Variants in DLGAP1 observed in about 807,000 individuals in gnomAD.
DLGAP1 encodes the protein DLG associated protein 1, also known as disks large-associated protein 1.
DLGAP1 carries 11 observed loss-of-function variants against 90.8 expected under a neutral mutation model. The observed-to-expected ratio is 0.12, with a 90% CI of 0.08 to 0.20. The LOEUF is 0.20. Ranked by LOEUF, DLGAP1 falls within the 10% of genes least tolerant of loss-of-function variation. DLGAP1 has a pLI of 1.00. For missense variants in DLGAP1, 1,050 were observed against 1,333.8 expected (o/e 0.79, Z 3.31); for synonymous variants, 558 against 540.7 (o/e 1.03, Z -0.44).
intron 2 of DLGAP1, among the ~76,000 whole-genome samples, chr18:4,032,006 A>T (rs1409002610): frequency 6.6e-6 from 1 of 152,236 alleles, no homozygotes; most frequent in Non-Finnish European, 1.5e-5. Context: ...AAGCAAAATT[A>T]TCCCTTTTCT....
intron 1 of DLGAP1, among the ~76,000 whole-genome samples, chr18:4,191,788 G>A (rs1461350123): frequency 1.3e-5 from 2 of 152,084 alleles, no homozygotes; most frequent in Admixed American, 6.6e-5. Context: ...CTCAGGATGC[G>A]GTGCATCCTC....
Position 3,580,580 on chromosome 18 carries a change from G to A in DLGAP1, c.1965+1295C>T, listed in dbSNP as rs376494082. 138 of 1,587,798 alleles carry A rather than the reference G, an allele frequency of 8.7e-5. No individual in the cohort carries two copies. The African/African-American group carries it at 1.5e-3, about 17-fold the overall frequency. On this transcript the variant is annotated intron_variant, in intron 8 of 12. Transcript: ENST00000315677. ...GCCAGAGGAGGGCTCCGGGGAGGAG[G>A]TGCCCATGGAGACTAGAGAGAATGG...
chr18:3,837,126 A>G (rs911045988), intron 4 of DLGAP1, among the ~76,000 whole-genome samples: 17 of 152,260 alleles, frequency 1.1e-4, no homozygotes, highest in African/African-American at 3.9e-4. Flanking sequence ...AGCCTGCGAA[A>G]TAGGCTTTCA....
At chr18:3,810,401 T>C (rs1260832516) in intron 5 of DLGAP1, among the ~76,000 whole-genome samples, 4 of 152,172 alleles carry the variant, frequency 2.6e-5, no homozygotes, top group Non-Finnish European at 5.9e-5. Flanking sequence ...TGCCTTCTCT[T>C]CAACATTTCT....
chr18:3,939,623 T>C (rs1218955016), intron 3 of DLGAP1, among the ~76,000 whole-genome samples: 1 of 152,200 alleles, frequency 6.6e-6, no homozygotes, highest in Non-Finnish European at 1.5e-5. Flanking sequence ...CAGGGATACA[T>C]ATCTACATAT....
At chr18:4,372,161 T>A (rs2081930282) in intron 1 of DLGAP1, among the ~76,000 whole-genome samples, 1 of 152,220 alleles carries the variant, frequency 6.6e-6, no homozygotes, top group African/African-American at 2.4e-5. Flanking sequence ...ATGGTTTATG[T>A]CTTGAGAAAC....
intron 2 of DLGAP1, among the ~76,000 whole-genome samples, chr18:4,061,073 C>A (rs2075291692): frequency 6.6e-6 from 1 of 152,196 alleles, no homozygotes. Flanking sequence ...CAGACCTTAT[C>A]TTCACTTCTA....
intron 7 of DLGAP1, among the ~76,000 whole-genome samples, chr18:3,699,304 T>C (rs935829947): frequency 5.3e-5 from 8 of 152,286 alleles, no homozygotes; most frequent in Admixed American, 5.2e-4. Context: ...GTCTTTGATG[T>C]TGGTGACTTT....
intron 3 of DLGAP1, among the ~76,000 whole-genome samples, chr18:3,946,527 C>T (rs1599200805): frequency 6.6e-6 from 1 of 152,076 alleles, no homozygotes; most frequent in Admixed American, 6.6e-5. Flanking sequence ...TATTTGTATG[C>T]TTTATTACTT....
At chr18:4,089,914 G>A (rs543137729) in intron 2 of DLGAP1, among the ~76,000 whole-genome samples, 17 of 152,192 alleles carry the variant, frequency 1.1e-4, no homozygotes, top group Admixed American at 4.6e-4. Flanking sequence ...GTGCGGTGGC[G>A]GGCTCCTGTG....
At chr18:3,999,440 G>A (rs1418566224) in intron 3 of DLGAP1, among the ~76,000 whole-genome samples, 1 of 152,058 alleles carries the variant, frequency 6.6e-6, no homozygotes, top group Non-Finnish European at 1.5e-5. Flanking sequence ...TTTGTTACAT[G>A]TATTTCTGTC....
rs928666545 is a variant in DLGAP1, at chr18:4,383,874, C to T, written c.-267+71132G>A. Among the ~76,000 whole-genome samples the T allele has an allele frequency of 1.3e-5, 2 of 152,006 alleles. No homozygotes were observed. The highest frequency in any genetic ancestry group is 2.9e-5 in the Non-Finnish European group (2 of 67,986). ...AGTGCAACCATTTCAATGGCTCCTA[C>T]CAAATAAATAAAATAACTCTGGATC... On this transcript the variant is annotated intron_variant, in intron 1 of 12. Transcript: ENST00000315677. This position sits in a 1 kb window ranked among gnomAD's most constrained non-coding sequence, Gnocchi z 4.0.
chr18:3,600,716 A>ATATCTGTATAGATATC (rs1491385080), intron 7 of DLGAP1, among the ~76,000 whole-genome samples: 4 of 72,772 alleles, frequency 5.5e-5, no homozygotes, highest in African/African-American at 2.8e-4. Flanking sequence ...AGCTATATAG[A>ATATCTGTATAGATATC]TATAGAGATA....
chr18:3,911,780 ATTGC>A (rs1385156076), intron 3 of DLGAP1, among the ~76,000 whole-genome samples: 1 of 152,326 alleles, frequency 6.6e-6, no homozygotes, highest in East Asian at 1.9e-4. Flanking sequence ...TTCCTCTCTT[ATTGC>A]AGCTGGGCTG....
chr18:4,409,607 C>T (rs2082734142), intron 1 of DLGAP1, among the ~76,000 whole-genome samples: 1 of 152,172 alleles, frequency 6.6e-6, no homozygotes, highest in African/African-American at 2.4e-5. Flanking sequence ...TGATTATCGC[C>T]ATTCTTACAG....
intron 4 of DLGAP1, among the ~76,000 whole-genome samples, chr18:3,834,568 G>C (rs1456921762): frequency 6.6e-6 from 1 of 152,050 alleles, no homozygotes; most frequent in African/African-American, 2.4e-5. Context: ...CAAATGAATG[G>C]ACACTCCATA....
At chr18:4,404,139 AT>A (rs765784910) in intron 1 of DLGAP1, among the ~76,000 whole-genome samples, 1 of 152,212 alleles carries the variant, frequency 6.6e-6, no homozygotes, top group East Asian at 1.9e-4. Context: ...GAAGATGGTG[AT>A]AAAAATGTTC....
At chr18:4,390,969 C>T (rs142939743) in intron 1 of DLGAP1, among the ~76,000 whole-genome samples, 51 of 152,246 alleles carry the variant, frequency 3.3e-4, no homozygotes, top group African/African-American at 1.0e-3. Flanking sequence ...AAGCTTGGTA[C>T]GGTCAGTAGT....
chr18:3,599,217 C>T (rs1223403614), intron 7 of DLGAP1, among the ~76,000 whole-genome samples: 2 of 152,222 alleles, frequency 1.3e-5, no homozygotes, highest in African/African-American at 2.4e-5. Flanking sequence ...TCCTCCTCCT[C>T]GTTGGTTGAG....
Sources: gnomAD v4.1 joint callset for allele counts (sites outside exome capture counted in the v4.1 genomes callset) on GRCh38, gnomAD v4.1.1 for gene constraint, Gnocchi (gnomAD v3.1) non-coding constraint, MANE v1.5 for transcripts, NCBI Gene and HGNC (gene_info 2026-07-23, HGNC 2026-07-21) for gene names.